The following KCNB2 variants were observed in gnomAD, a reference collection of about 807,000 sequenced individuals.
The protein encoded by KCNB2 is delayed rectifier potassium channel protein.
Under a neutral mutation model 61.5 loss-of-function variants are expected in KCNB2, and 15 were observed. The ratio of observed to expected loss-of-function variants is 0.24; its 90% CI spans 0.16 to 0.38. The LOEUF (loss-of-function observed/expected upper bound fraction) is 0.38. Ranked by LOEUF, KCNB2 falls within the 10% of genes least tolerant of loss-of-function variation. KCNB2 has a pLI of 1.00. For missense variants in KCNB2, 828 were observed against 1,125.2 expected (o/e 0.74, Z 3.78); for synonymous variants, 457 against 446.0 (o/e 1.02, Z -0.31).
chr8:72,937,875 T>A lies in KCNB2; in HGVS notation c.2520T>A (p.Asp840Glu). The change falls in exon 3 of 3, where the codon GAT becomes GAA. Residue 840 changes from aspartate (D) to glutamate (E), a missense_variant. Physicochemically the swap from Asp to Glu is conservative, Grantham distance 45 (BLOSUM62 2). This residue lies in a region of KCNB2 where 559 missense variants were observed against 588.4 expected (regional missense o/e 0.95). Coordinates refer to ENST00000523207, the MANE Select transcript of KCNB2 (RefSeq NM_004770.3). ...SPNCFADKPSDGRDPLREEGS... is the reference protein window; with the variant it reads ...SPNCFADKPSEGRDPLREEGS... The stretch of plus-strand genomic sequence containing the variant: ...ATTGCTTTGCAGATAAGCCTAGTGA[T>A]GGGAGAGACCCTTTAAGAGAAGAGG... 1 of 1,614,128 alleles carries A rather than the reference T, an allele frequency of 6.2e-7. No homozygotes were observed. Among genetic ancestry groups the A allele is most frequent in the Non-Finnish European group, 8.5e-7 (1 of 1,180,010 alleles).
At chr8:72,742,503 C>G (rs1461492490) in intron 2 of KCNB2, among the ~76,000 whole-genome samples, 1 of 152,198 alleles carries the variant, frequency 6.6e-6, no homozygotes, top group African/African-American at 2.4e-5. Context: ...CCTCCCACTT[C>G]ACCACATTTC....
chr8:72,564,676 G>A (rs349351), intron 1 of KCNB2, among the ~76,000 whole-genome samples: 133,082 of 152,214 alleles, frequency 0.87, 58,487 homozygotes, highest in East Asian at 0.96. Context: ...ATAAAGTTAG[G>A]ACATGAACAT....
intron 2 of KCNB2, among the ~76,000 whole-genome samples, chr8:72,806,516 G>A (rs1468176981): frequency 6.6e-6 from 1 of 152,028 alleles, no homozygotes; most frequent in Non-Finnish European, 1.5e-5. Flanking sequence ...TCAGGAGGCT[G>A]AGGCAGGAGA....
intron 2 of KCNB2, among the ~76,000 whole-genome samples, chr8:72,681,341 A>T (rs1194436101): frequency 6.6e-6 from 1 of 152,214 alleles, no homozygotes; most frequent in African/African-American, 2.4e-5. Context: ...TAAATTAAAA[A>T]TTTTTAATTT....
chr8:72,725,604 T>C (rs1344817794), intron 2 of KCNB2, among the ~76,000 whole-genome samples: 2 of 109,426 alleles, frequency 1.8e-5, no homozygotes, highest in African/African-American at 9.2e-5. Flanking sequence ...TATATATATA[T>C]ATATATATAT....
intron 2 of KCNB2, among the ~76,000 whole-genome samples, chr8:72,644,190 T>C (rs992064909): frequency 5.3e-5 from 8 of 152,118 alleles, no homozygotes; most frequent in Admixed American, 3.9e-4. Context: ...AAAAACTTAA[T>C]TACCCATGTG....
chr8:72,765,253 C>T (rs1224532976), intron 2 of KCNB2, among the ~76,000 whole-genome samples: 1 of 152,166 alleles, frequency 6.6e-6, no homozygotes, highest in Non-Finnish European at 1.5e-5. Flanking sequence ...GAGATAATTG[C>T]TGGGAAAAGT....
chr8:72,882,520 T>TGAGAGAGAGAGAGAGAGAGAGA lies in KCNB2; in HGVS notation c.580-53400_580-53379dup, dbSNP rs147239924. The stretch of plus-strand genomic sequence containing the variant: ...TTTGACCATGCCAACTGCTGACAGT[T>TGAGAGAGAGAGAGAGAGAGAGA]GAGAGAGAGAGAGAGAGAGAGAGAG... On this transcript the variant is annotated intron_variant, in intron 2 of 2. Coordinates refer to ENST00000523207, the MANE Select transcript of KCNB2 (RefSeq NM_004770.3). 3.8e-3 allele frequency among the ~76,000 whole-genome samples: 435 copies of TGAGAGAGAGAGAGAGAGAGAGA among 115,302 alleles called. 8 individuals are homozygous for TGAGAGAGAGAGAGAGAGAGAGA. Among genetic ancestry groups the TGAGAGAGAGAGAGAGAGAGAGA allele is most frequent in the Non-Finnish European group, 4.9e-3 (267 of 54,198 alleles). The allele number at this position is 115,302 out of a possible 152,430, so 75.6% of individuals were successfully genotyped here.
chr8:72,579,781 A>G (rs1199462936), intron 2 of KCNB2, among the ~76,000 whole-genome samples: 1 of 152,212 alleles, frequency 6.6e-6, no homozygotes, highest in African/African-American at 2.4e-5. Context: ...TATGGATACA[A>G]CTTCCTAGTA....
chr8:72,628,182 G>A (rs1222414904), intron 2 of KCNB2, among the ~76,000 whole-genome samples: 3 of 152,120 alleles, frequency 2.0e-5, no homozygotes, highest in African/African-American at 7.2e-5. Flanking sequence ...TCAAACTCCT[G>A]GCCTCATGTC....
intron 2 of KCNB2, among the ~76,000 whole-genome samples, chr8:72,689,738 T>A (rs138625926): frequency 6.6e-6 from 1 of 152,362 alleles, no homozygotes; most frequent in African/African-American, 2.4e-5. Context: ...TTTCATTCCT[T>A]TTTATTACCC....
At chr8:72,573,263 T>A (rs557843572) in intron 2 of KCNB2, among the ~76,000 whole-genome samples, 1 of 152,200 alleles carries the variant, frequency 6.6e-6, no homozygotes, top group Non-Finnish European at 1.5e-5. Context: ...GTTATTCTAA[T>A]GCTTTGAATG....
chr8:72,725,519 AT>A (rs1807619011), intron 2 of KCNB2, among the ~76,000 whole-genome samples: 2 of 50,352 alleles, frequency 4.0e-5, no homozygotes, highest in Admixed American at 1.8e-4. Flanking sequence ...TCATATATAT[AT>A]ATATATATAT....
rs750932548 is a variant in KCNB2 at position 72,641,816 on chromosome 8, C to A, written c.579+73503C>A. 3.1e-4 allele frequency among the ~76,000 whole-genome samples: 47 copies of A among 152,210 alleles called. No individual in the cohort carries two copies. In the Middle Eastern group the frequency reaches 0.017, roughly 55 times the overall value. ...GCTAGTCGTGAGGATCAATAACATA[C>A]TGTATATAAAAGAACATATGTAAGT... On this transcript the variant is annotated intron_variant, in intron 2 of 2. Transcript: ENST00000523207.
intron 2 of KCNB2, among the ~76,000 whole-genome samples, chr8:72,726,834 CTCAGGAGGTACCT>C (rs11273964): frequency 0.042 from 6,395 of 152,108 alleles, 426 homozygotes; most frequent in African/African-American, 0.14. Flanking sequence ...GAAGAGGCAG[CTCAGGAGGTACCT>C]TCAGGAGGTA....
At chr8:72,558,083 A>G (rs1806456573) in intron 1 of KCNB2, among the ~76,000 whole-genome samples, 1 of 152,212 alleles carries the variant, frequency 6.6e-6, no homozygotes, top group South Asian at 2.1e-4. Flanking sequence ...AAGCATTCAT[A>G]TTAGGTGACA....
At chr8:72,542,296 C>T (rs537849143) in intron 1 of KCNB2, among the ~76,000 whole-genome samples, 2 of 152,214 alleles carry the variant, frequency 1.3e-5, no homozygotes, top group South Asian at 4.2e-4. Flanking sequence ...ATTTTTCACA[C>T]AATTATTAGG....
At chr8:72,554,261 G>A (rs1033916062) in intron 1 of KCNB2, among the ~76,000 whole-genome samples, 2 of 152,064 alleles carry the variant, frequency 1.3e-5, no homozygotes, top group South Asian at 2.1e-4. Flanking sequence ...TCCCATGCTC[G>A]ATATATAGTG....
At position 72,577,925 on chromosome 8, in the gene KCNB2, G is replaced by T. The variant is rs190594688; in HGVS notation, c.579+9612G>T. Among the ~76,000 whole-genome samples the T allele has an allele frequency of 1.1e-3, 160 of 152,260 alleles. 1 individual carries two copies. The highest frequency in any genetic ancestry group is 4.0e-4 in the Non-Finnish European group (27 of 68,010). On this transcript the variant is annotated intron_variant, in intron 2 of 2. Coordinates refer to ENST00000523207, the MANE Select transcript of KCNB2 (RefSeq NM_004770.3). ...ATACTGAAGGGCAGTTGTCCTATCT[G>T]CTGTCATCTAAGTTAAGTTCTTAAC...
Sources: allele counts gnomAD v4.1 joint callset (sites outside exome capture counted in the v4.1 genomes callset), GRCh38; gene constraint gnomAD v4.1.1; regional missense constraint gnomAD v4.1.1; transcripts MANE v1.5; gene names NCBI Gene and HGNC (gene_info 2026-07-23, HGNC 2026-07-21).